SPATA13: variants seen among roughly 807,000 people sequenced by gnomAD.
SPATA13 encodes spermatogenesis-associated protein 13.
In SPATA13, 50 loss-of-function variants were observed where a neutral mutation model predicts 104.0. The ratio of observed to expected loss-of-function variants is 0.48; its 90% CI spans 0.38 to 0.61. SPATA13 has a LOEUF of 0.61. Ranked by LOEUF, SPATA13 falls within the 20% of genes least tolerant of loss-of-function variation. The pLI, the probability that SPATA13 is intolerant of heterozygous loss-of-function variation, is 0.00. For missense variants in SPATA13, 1,524 were observed against 1,690.6 expected (o/e 0.90, Z 1.73); for synonymous variants, 606 against 667.5 (o/e 0.91, Z 1.42).
chr13:24,204,918 TAA>T (rs1034222612), intron 1 of SPATA13, among the ~76,000 whole-genome samples: 12 of 152,172 alleles, frequency 7.9e-5, no homozygotes, highest in Non-Finnish European at 1.8e-4. Flanking sequence ...CATCAGTGTA[TAA>T]ATATCTGTTC....
intron 1 of SPATA13, among the ~76,000 whole-genome samples, chr13:24,190,901 TC>T (rs778551800): frequency 5.9e-4 from 90 of 152,228 alleles, no homozygotes; most frequent in Non-Finnish European, 9.7e-4. Context: ...CAGTATCGCA[TC>T]CTGTAGAGAA....
chr13:23,990,405 C>G (rs2247174), intron 2 of SPATA13, among the ~76,000 whole-genome samples: 94,243 of 151,964 alleles, frequency 0.62, 30,203 homozygotes, highest in Non-Finnish European at 0.71. Flanking sequence ...ATTGCCCCCT[C>G]CTTCCTACAC....
rs756006988 is a variant in SPATA13 at position 24,249,777 on chromosome 13, G to A, written c.1954G>A (p.Val652Met). ...AGCCCGGAGAAGGCGCCCCATTTCC[G>A]TGATAGGTGGGGTCAGCTTGTATGG... ...KGARRRRPIS[V>M]IGGVSLYGTN... Residue 652 changes from valine to methionine, a missense_variant, in exon 3 of 13, where the codon GTG (valine) becomes ATG (methionine). Physicochemically the swap from Val to Met is conservative, Grantham distance 21 (BLOSUM62 1). This residue lies in a region of SPATA13 where 1,089 missense variants were observed against 1,135.9 expected (regional missense o/e 0.96). Coordinates refer to ENST00000382108, the MANE Select transcript of SPATA13 (RefSeq NM_001166271.3). The A allele has an allele frequency of 9.3e-6, 15 of 1,613,856 alleles. No homozygotes were observed. The highest frequency in any genetic ancestry group is 2.7e-5 in the African/African-American group (2 of 74,938).
intron 3 of SPATA13, among the ~76,000 whole-genome samples, chr13:24,152,399 A>T (rs1051822211): frequency 6.6e-6 from 1 of 152,246 alleles, no homozygotes; most frequent in Non-Finnish European, 1.5e-5. Context: ...CTGCTCAAGG[A>T]CATGGCCACT....
At chr13:24,288,003 A>T (rs1223508998) in intron 7 of SPATA13, among the ~76,000 whole-genome samples, 2 of 152,224 alleles carry the variant, frequency 1.3e-5, no homozygotes, top group Non-Finnish European at 2.9e-5. Context: ...CTGTGTGGAC[A>T]TGCCAGTGTT....
intron 9 of SPATA13, 77 bp from the exon 10 acceptor site, chr13:24,294,662 G>GC: frequency 6.8e-7 from 1 of 1,464,776 alleles, no homozygotes; most frequent in African/African-American, 1.4e-5. Flanking sequence ...ACGAAGAAGC[G>GC]CCCCAGTGGA....
chr13:24,005,957 T>C (rs1410188578), intron 2 of SPATA13, among the ~76,000 whole-genome samples: 1 of 152,232 alleles, frequency 6.6e-6, no homozygotes, highest in African/African-American at 2.4e-5. Context: ...TCATCACCTG[T>C]TCTGCTACAC....
intron 1 of SPATA13, among the ~76,000 whole-genome samples, chr13:24,178,567 T>C (rs1868590136): frequency 1.3e-5 from 2 of 152,174 alleles, no homozygotes; most frequent in South Asian, 4.1e-4. Flanking sequence ...CATGCATTGC[T>C]AGGAAGGTAT....
rs147380930 is a variant in SPATA13 at position 24,304,936 on chromosome 13, T to C, written c.*2163T>C. 1 of 152,358 alleles carries C rather than the reference T, an allele frequency of 6.6e-6. No individual in the cohort carries two copies. The highest frequency in any genetic ancestry group is 1.9e-4 in the East Asian group (1 of 5,188). 9.4% of individuals were successfully genotyped at this position (152,358 alleles called of 1,614,324 possible). Reference sequence around the variant, plus strand: ...CCTTTTTACTAACAAAATACAATGATATATGTTGGAAACTACTTAATATGC... The same window carrying C: ...CCTTTTTACTAACAAAATACAATGACATATGTTGGAAACTACTTAATATGC... On this transcript the variant is annotated 3_prime_UTR_variant, in exon 13 of 13. Coordinates refer to ENST00000382108, the MANE Select transcript of SPATA13 (RefSeq NM_001166271.3).
Position 24,179,604 on chromosome 13 carries a change from CCTATTTAT to C in SPATA13, c.-112+18674_-112+18681del, listed in dbSNP as rs1302933163. ...ACTCTGTACAGATTAAATGCAAGTC[CCTATTTAT>C]CCCACTCCCAGCCCCTGGCAACCTC... On this transcript the variant is annotated intron_variant, in intron 1 of 12. Coordinates refer to ENST00000382108, the MANE Select transcript of SPATA13 (RefSeq NM_001166271.3). 2.0e-5 allele frequency among the ~76,000 whole-genome samples: 3 copies of C among 152,244 alleles called. No homozygotes were observed. The East Asian group carries it at 5.8e-4, about 29-fold the overall frequency.
intron 2 of SPATA13, among the ~76,000 whole-genome samples, chr13:24,227,882 T>C (rs546641432): frequency 1.3e-5 from 2 of 152,054 alleles, no homozygotes; most frequent in South Asian, 4.2e-4. Context: ...AGAATTCTTA[T>C]ATAGCACATC....
intron 3 of SPATA13, among the ~76,000 whole-genome samples, chr13:24,035,940 G>A (rs1877663090): frequency 4.0e-5 from 6 of 151,236 alleles, no homozygotes; most frequent in Admixed American, 4.0e-4. Context: ...GCTTGAGCCC[G>A]GAGGTTGAGG....
In SPATA13 at chr13:24,222,877, C is replaced by T; in HGVS notation, c.-53C>T. On this transcript the variant is annotated 5_prime_UTR_variant, in exon 2 of 13. Transcript: ENST00000382108. ...AGGTGTGAGTGCCAGGACGGCATTC[C>T]TGGAGATGAAGGCCTGGAGCTGCGG... The T allele has an allele frequency of 6.5e-7, 1 of 1,545,808 alleles. No individual in the cohort carries two copies. Among genetic ancestry groups the T allele is most frequent in the East Asian group, 2.5e-5 (1 of 40,756 alleles).
Position 24,223,145 on chromosome 13 carries a change from T to C in SPATA13, c.216T>C (p.Leu72=). The change falls in exon 2 of 13, where the codon CTT becomes CTC. Residue 72 remains leucine, a synonymous_variant. Transcript: ENST00000382108. Reference sequence around the variant, plus strand: ...AAGCCAAACTCAGCCCAGCCAAGCTTGTGCGCCTCTTTTCCACCAGTCGGA... The same window carrying C: ...AAGCCAAACTCAGCCCAGCCAAGCTCGTGCGCCTCTTTTCCACCAGTCGGA... ...TQEAKLSPAK[L]VRLFSTSRKR... 6.4e-7 allele frequency: 1 copy of C among 1,551,684 alleles called. No individual in the cohort carries two copies. Among genetic ancestry groups the C allele is most frequent in the Non-Finnish European group, 8.7e-7 (1 of 1,146,994 alleles).
intron 1 of SPATA13, among the ~76,000 whole-genome samples, chr13:24,174,625 G>A (rs1883141543): frequency 6.6e-6 from 1 of 152,044 alleles, no homozygotes; most frequent in Non-Finnish European, 1.5e-5. Flanking sequence ...CACCCAGACT[G>A]GAGTATAGTG....
intron 7 of SPATA13, among the ~76,000 whole-genome samples, chr13:24,288,380 T>C (rs560054248): frequency 1.3e-5 from 2 of 152,362 alleles, no homozygotes; most frequent in East Asian, 3.9e-4. Flanking sequence ...CTACTGAATG[T>C]CATGATAACT....
At chr13:24,147,974 A>AT (rs898723083) in intron 3 of SPATA13, among the ~76,000 whole-genome samples, 1 of 152,092 alleles carries the variant, frequency 6.6e-6, no homozygotes, top group Non-Finnish European at 1.5e-5. Flanking sequence ...TATACACCAC[A>AT]TTTTTTTAAT....
rs530149961 is a variant in SPATA13 at position 24,198,230 on chromosome 13, T to G, written c.-111-24589T>G. ...GGCTGGTCTTGAACTCCTGACCTTGTGATCTGCCCCCCTTGGCCTCCCAAA... is the reference window on the plus strand; with the variant it reads ...GGCTGGTCTTGAACTCCTGACCTTGGGATCTGCCCCCCTTGGCCTCCCAAA... On this transcript the variant is annotated intron_variant, in intron 1 of 12. Transcript: ENST00000382108. Among the ~76,000 whole-genome samples the G allele has an allele frequency of 7.9e-5, 12 of 152,116 alleles. No individual in the cohort carries two copies. The East Asian group carries it at 2.1e-3, about 27-fold the overall frequency.
At chr13:24,033,776 C>G (rs998276323) in intron 3 of SPATA13, 1 of 152,232 alleles carries the variant, frequency 6.6e-6, no homozygotes, top group Admixed American at 6.5e-5. Context: ...ACAGGTGAGC[C>G]CTGCCATCCA....
Sources: allele counts gnomAD v4.1 joint callset (sites outside exome capture counted in the v4.1 genomes callset), GRCh38; gene constraint gnomAD v4.1.1; regional missense constraint gnomAD v4.1.1; transcripts MANE v1.5; gene names NCBI Gene and HGNC (gene_info 2026-07-23, HGNC 2026-07-21).